Variants in GPR39 observed in about 807,000 individuals in gnomAD.
GPR39 encodes the protein G protein-coupled receptor 39, also known as zinc sensing receptor.
A neutral mutation model predicts 18.4 loss-of-function variants in GPR39; 23 were observed. That is an observed-to-expected ratio of 1.25 (90% CI 0.90 to 1.77). GPR39 has a LOEUF of 1.77. Among genes scored for constraint, GPR39 ranks in the 40% most tolerant of loss-of-function variants. The pLI is 0.00. For synonymous variants in GPR39, 280 were observed against 257.9 expected (o/e 1.09, Z -0.82); for missense variants, 647 against 602.4 (o/e 1.07, Z -0.78).
chr2:132,641,272 TA>T (rs1357540479), intron 1 of GPR39, among the ~76,000 whole-genome samples: 1 of 152,240 alleles, frequency 6.6e-6, no homozygotes, highest in Non-Finnish European at 1.5e-5. Flanking sequence ...AAAGACTGGC[TA>T]ACCCTGTTCC....
chr2:132,438,702 C>T (rs572939352), intron 1 of GPR39, among the ~76,000 whole-genome samples: 1 of 150,440 alleles, frequency 6.6e-6, no homozygotes, highest in East Asian at 2.0e-4. Context: ...AAAAATTTAC[C>T]AACTGATGCC....
At chr2:132,495,091 C>T (rs1226587939) in intron 1 of GPR39, among the ~76,000 whole-genome samples, 1 of 152,090 alleles carries the variant, frequency 6.6e-6, no homozygotes, top group Non-Finnish European at 1.5e-5. Context: ...AGTAACATAA[C>T]AAGGCCATAG....
chr2:132,608,695 T>G (rs944560017), intron 1 of GPR39, among the ~76,000 whole-genome samples: 3 of 152,148 alleles, frequency 2.0e-5, no homozygotes, highest in Non-Finnish European at 2.9e-5. Context: ...ATTGATTCAG[T>G]TCTCAGCCAT....
chr2:132,645,050 A>C (rs376874164), intron 1 of GPR39, 51 bp from the exon 2 acceptor site: 48 of 1,563,068 alleles, frequency 3.1e-5, no homozygotes, highest in Non-Finnish European at 4.2e-5. Context: ...CTGTGTTCTC[A>C]TGCTGTGTTT....
At chr2:132,612,257 A>G (rs935370549) in intron 1 of GPR39, among the ~76,000 whole-genome samples, 12 of 152,028 alleles carry the variant, frequency 7.9e-5, no homozygotes, top group East Asian at 1.9e-4. Flanking sequence ...GGACTCATGT[A>G]TCTCTTCCCT....
At chr2:132,625,204 G>A (rs1381708467) in intron 1 of GPR39, among the ~76,000 whole-genome samples, 1 of 151,878 alleles carries the variant, frequency 6.6e-6, no homozygotes, top group Non-Finnish European at 1.5e-5. Context: ...ACGTCTTGCT[G>A]TGGTGTTAAT....
intron 1 of GPR39, among the ~76,000 whole-genome samples, chr2:132,580,683 G>C (rs1485867604): frequency 1.3e-5 from 2 of 152,110 alleles, no homozygotes; most frequent in East Asian, 3.9e-4. Context: ...TTAACTACAG[G>C]CTGGGCATGG....
At chr2:132,640,535 A>G (rs1035395416) in intron 1 of GPR39, among the ~76,000 whole-genome samples, 2 of 152,230 alleles carry the variant, frequency 1.3e-5, no homozygotes, top group South Asian at 4.1e-4. Context: ...CCTGCTTTAC[A>G]TGAGTGGGTT....
In GPR39 at chr2:132,499,836, T is replaced by G. The variant is rs576998495; in HGVS notation, c.856+81938T>G. Among the ~76,000 whole-genome samples, 35 of 152,270 alleles carry G rather than the reference T, an allele frequency of 2.3e-4. No individual in the cohort carries two copies. The South Asian group carries it at 6.4e-3, about 28-fold the overall frequency. On this transcript the variant is annotated intron_variant, in intron 1 of 1. Coordinates refer to ENST00000329321, the MANE Select transcript of GPR39 (RefSeq NM_001508.3). Reference sequence around the variant, plus strand: ...GTATTGTATTTATTTATTTATTTATTTGCAGCTACTGTGAAAGGAGTTGAG... The same window carrying G: ...GTATTGTATTTATTTATTTATTTATGTGCAGCTACTGTGAAAGGAGTTGAG...
chr2:132,450,285 A>G (rs72999271), intron 1 of GPR39, among the ~76,000 whole-genome samples: 2,823 of 152,238 alleles, frequency 0.019, 95 homozygotes, highest in African/African-American at 0.06. Context: ...CATAGAATTG[A>G]TGCAAAGCAG....
At chr2:132,465,195 AAAAG>A (rs780296413) in intron 1 of GPR39, among the ~76,000 whole-genome samples, 1 of 152,226 alleles carries the variant, frequency 6.6e-6, no homozygotes, top group Non-Finnish European at 1.5e-5. Context: ...AAGCAAAAAA[AAAAG>A]AAAGAAGTCC....
At chr2:132,508,479 C>G (rs1419623851) in intron 1 of GPR39, among the ~76,000 whole-genome samples, 1 of 152,012 alleles carries the variant, frequency 6.6e-6, no homozygotes, top group Non-Finnish European at 1.5e-5. Flanking sequence ...GAATTGGAGA[C>G]TAAATGCTCA....
intron 1 of GPR39, among the ~76,000 whole-genome samples, chr2:132,454,683 T>A (rs189144978): frequency 1.1e-3 from 170 of 152,342 alleles, no homozygotes; most frequent in Non-Finnish European, 2.1e-3. Flanking sequence ...TGAGAGTTTT[T>A]AGCATGATGG....
intron 1 of GPR39, among the ~76,000 whole-genome samples, chr2:132,483,178 G>T (rs1354770285): frequency 6.6e-6 from 1 of 152,218 alleles, no homozygotes; most frequent in African/African-American, 2.4e-5. Context: ...GCTCAGAACA[G>T]TACTAGACAT....
intron 1 of GPR39, among the ~76,000 whole-genome samples, chr2:132,492,658 T>TAC (rs1216110991): frequency 7.3e-6 from 1 of 137,876 alleles, no homozygotes; most frequent in Non-Finnish European, 1.5e-5. Context: ...ATAATATATA[T>TAC]ACACACCATA....
rs530613708 is a variant in GPR39, at chr2:132,489,739, T to C, written c.856+71841T>C. On this transcript the variant is annotated intron_variant, in intron 1 of 1. Coordinates refer to ENST00000329321, the MANE Select transcript of GPR39 (RefSeq NM_001508.3). ...ACATATTTTCCTTTTATATATGCAC[T>C]GCAGTGCCCTAAAAAATGCCATATT... Among the ~76,000 whole-genome samples the C allele has an allele frequency of 3.3e-5, 5 of 151,996 alleles. No homozygotes were observed. In the East Asian group the frequency reaches 9.6e-4, roughly 29 times the overall value.
intron 1 of GPR39, among the ~76,000 whole-genome samples, chr2:132,608,142 CAAT>C (rs1487980751): frequency 1.3e-5 from 2 of 152,168 alleles, no homozygotes; most frequent in Non-Finnish European, 2.9e-5. Context: ...CATTTGCTGA[CAAT>C]GATGCATTTG....
rs142831395 is a variant in GPR39, at chr2:132,551,581, TG to T, written c.857-93519del. ...GTGGAAGGTTTTTGGTGTCTGATTCTGTCATCTCTTTATACCTTTAGTGGAA... is the reference window on the plus strand; with the variant it reads ...GTGGAAGGTTTTTGGTGTCTGATTCTTCATCTCTTTATACCTTTAGTGGAA... On this transcript the variant is annotated intron_variant, in intron 1 of 1. Coordinates refer to ENST00000329321, the MANE Select transcript of GPR39 (RefSeq NM_001508.3). 3.6e-3 allele frequency among the ~76,000 whole-genome samples: 546 copies of T among 152,368 alleles called. 2 individuals are homozygous for T. Among genetic ancestry groups the T allele is most frequent in the African/African-American group, 0.012 (498 of 41,584 alleles).
chr2:132,631,981 C>T (rs1165890409), intron 1 of GPR39, among the ~76,000 whole-genome samples: 1 of 152,042 alleles, frequency 6.6e-6, no homozygotes, highest in Non-Finnish European at 1.5e-5. Context: ...CACCACCATG[C>T]CCAGCTAATT....
Sources: allele counts gnomAD v4.1 joint callset (sites outside exome capture counted in the v4.1 genomes callset), GRCh38; gene constraint gnomAD v4.1.1; transcripts MANE v1.5; gene names NCBI Gene and HGNC (gene_info 2026-07-23, HGNC 2026-07-21).